Variants in CHN2 observed in about 807,000 individuals in gnomAD.
CHN2 encodes chimerin 2.
Under a neutral mutation model 56.3 loss-of-function variants are expected in CHN2, and 35 were observed. That is an observed-to-expected ratio of 0.62 (90% CI 0.47 to 0.82). The LOEUF is 0.82. CHN2 is among the 40% of genes least tolerant of loss of function. The probability of loss-of-function intolerance (pLI) is 0.00; values close to 1 mark genes in which losing one functional copy is unlikely to be tolerated. For missense variants in CHN2, 491 were observed against 580.5 expected (o/e 0.85, Z 1.58); for synonymous variants, 210 against 212.8 (o/e 0.99, Z 0.12).
At chr7:29,320,334 C>A (rs566453939) in intron 1 of CHN2, among the ~76,000 whole-genome samples, 31 of 152,210 alleles carry the variant, frequency 2.0e-4, no homozygotes, top group African/African-American at 7.2e-4. Context: ...GGGAAGATAT[C>A]CATTTGTCAC....
chr7:29,450,578 T>G (rs1398293844), intron 6 of CHN2, among the ~76,000 whole-genome samples: 1 of 152,050 alleles, frequency 6.6e-6, no homozygotes, highest in Non-Finnish European at 1.5e-5. Context: ...TGGAACAGAT[T>G]CTCTCCTAGC....
chr7:29,327,309 C>A (rs1467564311), intron 1 of CHN2, among the ~76,000 whole-genome samples: 1 of 152,118 alleles, frequency 6.6e-6, no homozygotes, highest in Non-Finnish European at 1.5e-5. Context: ...ACTGTTTGAA[C>A]CAGAAAAGTT....
intron 6 of CHN2, among the ~76,000 whole-genome samples, chr7:29,464,100 G>A (rs1785378855): frequency 6.6e-6 from 1 of 152,212 alleles, no homozygotes; most frequent in Non-Finnish European, 1.5e-5. Flanking sequence ...GGTACAGCAG[G>A]ATGGCTAGCT....
chr7:29,377,279 C>T (rs1049682850), intron 3 of CHN2, among the ~76,000 whole-genome samples: 27 of 152,362 alleles, frequency 1.8e-4, no homozygotes, highest in Admixed American at 7.8e-4. Flanking sequence ...CTGCCTCAGC[C>T]TCCCAGAATG....
At chr7:29,158,052 A>G (rs1794661669) in intron 2 of CHN2, among the ~76,000 whole-genome samples, 1 of 152,146 alleles carries the variant, frequency 6.6e-6, no homozygotes, top group African/African-American at 2.4e-5. Flanking sequence ...GGAGGTAATC[A>G]AATAAAGGAG....
chr7:29,373,023 A>G lies in CHN2; in HGVS notation c.144+5036A>G, dbSNP rs530929549. 5.3e-5 allele frequency among the ~76,000 whole-genome samples: 8 copies of G among 152,242 alleles called. No individual in the cohort carries two copies. In the South Asian group the frequency reaches 1.7e-3, roughly 31 times the overall value. On this transcript the variant is annotated intron_variant, in intron 3 of 12. Transcript: ENST00000222792. Reference sequence around the variant, plus strand: ...ATTATTTCAAGTTGTTCTCCATTTTATATAGCTTCATTTCCTTCTTGCTGT... The same window carrying G: ...ATTATTTCAAGTTGTTCTCCATTTTGTATAGCTTCATTTCCTTCTTGCTGT...
At chr7:29,347,607 C>T (rs760705269) in intron 1 of CHN2, among the ~76,000 whole-genome samples, 1 of 152,132 alleles carries the variant, frequency 6.6e-6, no homozygotes, top group Non-Finnish European at 1.5e-5. Flanking sequence ...GGGAAACCAC[C>T]CCCATGATCC....
At chr7:29,167,906 C>T (rs964350896) in intron 2 of CHN2, among the ~76,000 whole-genome samples, 4 of 152,204 alleles carry the variant, frequency 2.6e-5, no homozygotes, top group Non-Finnish European at 5.9e-5. Flanking sequence ...AACCCCCATG[C>T]TTTCCTTCCC....
At chr7:29,354,968 A>ATTTATTTATTT (rs1798178836) in intron 2 of CHN2, among the ~76,000 whole-genome samples, 1 of 149,748 alleles carries the variant, frequency 6.7e-6, no homozygotes, top group Non-Finnish European at 1.5e-5. Context: ...TTATTTATTT[A>ATTTATTTATTT]TTTATTTTTT....
Position 29,361,478 on chromosome 7 carries a change from G to A in CHN2, c.89-6454G>A, listed in dbSNP as rs78007268. 9.6e-3 allele frequency among the ~76,000 whole-genome samples: 1,467 copies of A among 152,286 alleles called. 9 individuals carry two copies. Among genetic ancestry groups the A allele is most frequent in the Non-Finnish European group, 0.013 (914 of 68,020 alleles). On this transcript the variant is annotated intron_variant, in intron 2 of 12. Coordinates refer to ENST00000222792, the MANE Select transcript of CHN2 (RefSeq NM_004067.4). ...GAACAGCATAGAACAGGGTTTTGCA[G>A]ATTCTGAGACCTGCTCATTGAGAAA...
intron 1 of CHN2, among the ~76,000 whole-genome samples, chr7:29,240,816 T>TTCTTCTTCG (rs139491742): frequency 6.7e-6 from 1 of 149,324 alleles, no homozygotes; most frequent in Admixed American, 6.7e-5. Context: ...CTTCTTCTTC[T>TTCTTCTTCG]TCGTCGTCGT....
At chr7:29,174,364 T>A (rs570763653) in intron 2 of CHN2, among the ~76,000 whole-genome samples, 1 of 152,236 alleles carries the variant, frequency 6.6e-6, no homozygotes, top group African/African-American at 2.4e-5. Flanking sequence ...CATCAGTCCC[T>A]GAGGAGAGAC....
chr7:29,493,228 C>A (rs1788852130), intron 7 of CHN2, among the ~76,000 whole-genome samples: 2 of 152,064 alleles, frequency 1.3e-5, no homozygotes, highest in Non-Finnish European at 2.9e-5. Flanking sequence ...CTGTAGAGGT[C>A]TGTAGCCTAG....
At chr7:29,187,120 G>A (rs1035200370) in intron 2 of CHN2, among the ~76,000 whole-genome samples, 3 of 152,152 alleles carry the variant, frequency 2.0e-5, no homozygotes, top group Non-Finnish European at 4.4e-5. Context: ...CAGAAAGCAT[G>A]GTGAGAGTGG....
rs1791116655 is a variant in CHN2 at position 29,510,017 on chromosome 7, T to G, written c.1235+611T>G. On this transcript the variant is annotated intron_variant, in intron 12 of 12. Coordinates refer to ENST00000222792, the MANE Select transcript of CHN2 (RefSeq NM_004067.4). ...CTGCCTCCGTGTCTGCATCTTCATC[T>G]GACACAAGCCCTGTACTCTGTGTCC... Among the ~76,000 whole-genome samples the G allele has an allele frequency of 2.0e-5, 3 of 152,122 alleles. 1 individual carries two copies. The South Asian group carries it at 6.2e-4, about 32-fold the overall frequency.
At chr7:29,382,855 C>T (rs894200310) in intron 3 of CHN2, among the ~76,000 whole-genome samples, 2 of 152,178 alleles carry the variant, frequency 1.3e-5, no homozygotes, top group African/African-American at 2.4e-5. Flanking sequence ...GAGGACATAA[C>T]CCCACCAAAT....
intron 10 of CHN2, 84 bp from the exon 11 acceptor site, chr7:29,507,144 T>TG: frequency 2.5e-6 from 3 of 1,182,760 alleles, no homozygotes; most frequent in Non-Finnish European, 3.4e-6. Context: ...CATTCATCGC[T>TG]GGATTTTTTT....
chr7:29,326,182 G>T (rs1043490772), intron 1 of CHN2, among the ~76,000 whole-genome samples: 1 of 151,798 alleles, frequency 6.6e-6, no homozygotes, highest in African/African-American at 2.4e-5. Context: ...TTTTTGAGAC[G>T]GAGTCTCACT....
intron 1 of CHN2, among the ~76,000 whole-genome samples, chr7:29,252,749 C>T (rs535438497): frequency 2.4e-5 from 3 of 126,682 alleles, no homozygotes; most frequent in Non-Finnish European, 1.5e-5. Flanking sequence ...GCGCCCGCCA[C>T]CGCGCCCGGC....
Sources: allele counts gnomAD v4.1 joint callset (sites outside exome capture counted in the v4.1 genomes callset), GRCh38; gene constraint gnomAD v4.1.1; transcripts MANE v1.5; gene names NCBI Gene and HGNC (gene_info 2026-07-23, HGNC 2026-07-21).